The following CADPS2 variants were observed in gnomAD, a reference collection of about 807,000 sequenced individuals.
CADPS2 encodes the protein calcium-dependent secretion activator 2.
Under a neutral mutation model 172.5 loss-of-function variants are expected in CADPS2, and 93 were observed. That is an observed-to-expected ratio of 0.54 (90% CI 0.46 to 0.64). CADPS2 has a LOEUF of 0.64. CADPS2 is among the 30% of genes least tolerant of loss of function. The pLI, the probability that CADPS2 is intolerant of heterozygous loss-of-function variation, is 0.00. For missense variants in CADPS2, 1,420 were observed against 1,565.9 expected (o/e 0.91, Z 1.57); for synonymous variants, 546 against 555.2 (o/e 0.98, Z 0.23).
rs1456450758 is a variant in CADPS2 at position 122,872,524 on chromosome 7, T to C, written c.339+13475A>G. Among the ~76,000 whole-genome samples, 6 of 152,188 alleles carry C rather than the reference T, an allele frequency of 3.9e-5. 1 individual carries two copies. In the East Asian group the frequency reaches 1.2e-3, roughly 30 times the overall value. On this transcript the variant is annotated intron_variant, in intron 1 of 29. Coordinates refer to ENST00000449022, the MANE Select transcript of CADPS2 (RefSeq NM_017954.11). ...CTACTTACTACTGCTTGAGAATATA[T>C]GCAATCCTTCTGAGTCAGAAAAGAA...
chr7:122,582,295 G>C (rs2068940340), intron 6 of CADPS2, among the ~76,000 whole-genome samples: 1 of 152,026 alleles, frequency 6.6e-6, no homozygotes, highest in Non-Finnish European at 1.5e-5. Context: ...AGAAAACTCA[G>C]TAAAGCAGGT....
intron 11 of CADPS2, among the ~76,000 whole-genome samples, chr7:122,483,024 T>TA (rs1389037792): frequency 6.6e-6 from 1 of 152,208 alleles, no homozygotes; most frequent in Non-Finnish European, 1.5e-5. Context: ...GGTTATCAGT[T>TA]AGAGTATTAA....
chr7:122,639,038 T>C (rs1001259823), intron 3 of CADPS2, among the ~76,000 whole-genome samples: 4 of 152,198 alleles, frequency 2.6e-5, no homozygotes, highest in Non-Finnish European at 5.9e-5. Context: ...CAAAGGGTAC[T>C]AACTTCTGTG....
intron 1 of CADPS2, among the ~76,000 whole-genome samples, chr7:122,833,887 C>A (rs1034880813): frequency 4.6e-5 from 7 of 152,020 alleles, no homozygotes; most frequent in Non-Finnish European, 1.0e-4. Context: ...CAATAAAAGT[C>A]TTTGATTAAT....
Position 122,410,935 on chromosome 7 carries a change from G to T in CADPS2, c.2589+3133C>A, listed in dbSNP as rs2047228557. On this transcript the variant is annotated intron_variant, in intron 19 of 29. Coordinates refer to ENST00000449022, the MANE Select transcript of CADPS2 (RefSeq NM_017954.11). ...TTGTACAATTATCCTTACTTTATAG[G>T]TTAGCAAACAGAGATTAAATAACTT... is the stretch of plus-strand genomic sequence containing the variant. Among the ~76,000 whole-genome samples the T allele has an allele frequency of 2.0e-5, 3 of 152,112 alleles. No homozygotes were observed. The South Asian group carries it at 6.2e-4, about 31-fold the overall frequency.
rs563588474 is a variant in CADPS2, at chr7:122,432,970, A to AAT, written c.2476+5369_2476+5370dup. Among the ~76,000 whole-genome samples, 47 of 152,044 alleles carry AAT rather than the reference A, an allele frequency of 3.1e-4. No homozygotes were observed. In the South Asian group the frequency reaches 9.8e-3, roughly 32 times the overall value. On this transcript the variant is annotated intron_variant, in intron 17 of 29. Coordinates refer to ENST00000449022, the MANE Select transcript of CADPS2 (RefSeq NM_017954.11). ...CAAATGCAAATAACATGATATAACT[A>AAT]ATATATATAATATATTTTTTGGAGA...
At chr7:122,612,366 T>C (rs936850305) in intron 6 of CADPS2, among the ~76,000 whole-genome samples, 1 of 151,864 alleles carries the variant, frequency 6.6e-6, no homozygotes, top group Admixed American at 6.6e-5. Flanking sequence ...GCATATAAAA[T>C]CTATATACAA....
chr7:122,754,623 C>A (rs1407217646), intron 1 of CADPS2, among the ~76,000 whole-genome samples: 1 of 151,994 alleles, frequency 6.6e-6, no homozygotes, highest in Admixed American at 6.6e-5. Flanking sequence ...ATTACAGGTG[C>A]CCACCATCAC....
intron 8 of CADPS2, among the ~76,000 whole-genome samples, chr7:122,539,165 C>T (rs1586983514): frequency 6.6e-6 from 1 of 152,200 alleles, no homozygotes; most frequent in East Asian, 1.9e-4. Flanking sequence ...AAACCTAATG[C>T]AACAGTGTTG....
At chr7:122,608,298 C>A (rs1178427847) in intron 6 of CADPS2, among the ~76,000 whole-genome samples, 2 of 151,508 alleles carry the variant, frequency 1.3e-5, no homozygotes, top group Non-Finnish European at 2.9e-5. Context: ...GAGTATCTGA[C>A]TAATGAATTA....
chr7:122,518,180 C>T (rs1006909927), intron 8 of CADPS2, among the ~76,000 whole-genome samples: 2 of 151,868 alleles, frequency 1.3e-5, no homozygotes, highest in Non-Finnish European at 2.9e-5. Flanking sequence ...GTATATATAT[C>T]TATAGCCAAT....
At chr7:122,400,167 G>A (rs2045762075) in intron 20 of CADPS2, among the ~76,000 whole-genome samples, 2 of 151,716 alleles carry the variant, frequency 1.3e-5, no homozygotes, top group South Asian at 4.2e-4. Context: ...AGGGCGCAGT[G>A]GCTCACGCCT....
intron 8 of CADPS2, among the ~76,000 whole-genome samples, chr7:122,526,276 C>T (rs550840468): frequency 6.6e-6 from 1 of 152,214 alleles, no homozygotes; most frequent in African/African-American, 2.4e-5. Flanking sequence ...ACTGCAACCT[C>T]CACCTCCCGG....
chr7:122,599,998 C>T (rs1013888785), intron 6 of CADPS2, among the ~76,000 whole-genome samples: 5 of 151,976 alleles, frequency 3.3e-5, no homozygotes, highest in East Asian at 1.9e-4. Context: ...TTATATTCCT[C>T]GTAATATATC....
intron 5 of CADPS2, among the ~76,000 whole-genome samples, chr7:122,619,537 G>A (rs935433651): frequency 1.3e-5 from 2 of 152,026 alleles, no homozygotes; most frequent in Admixed American, 6.6e-5. Context: ...TGAAGCGGGA[G>A]AATCACTTGA....
intron 7 of CADPS2, among the ~76,000 whole-genome samples, chr7:122,568,364 AATG>A (rs1259311831): frequency 2.6e-5 from 4 of 152,222 alleles, no homozygotes; most frequent in African/African-American, 9.6e-5. Context: ...AAGATCAGTT[AATG>A]AGAAGGAAAT....
chr7:122,626,605 T>C (rs1487301266), intron 4 of CADPS2, among the ~76,000 whole-genome samples: 3 of 152,172 alleles, frequency 2.0e-5, no homozygotes, highest in Non-Finnish European at 2.9e-5. Context: ...TCACCTTCCA[T>C]AATTCAATTA....
At chr7:122,596,405 C>G (rs1034176200) in intron 6 of CADPS2, among the ~76,000 whole-genome samples, 1 of 151,988 alleles carries the variant, frequency 6.6e-6, no homozygotes, top group African/African-American at 2.4e-5. Flanking sequence ...CCTCATTTGT[C>G]CAGAATCTGA....
intron 2 of CADPS2, among the ~76,000 whole-genome samples, chr7:122,722,407 CAG>C (rs1483458055): frequency 6.6e-6 from 1 of 151,244 alleles, no homozygotes; most frequent in African/African-American, 2.4e-5. Context: ...AACAGACAAA[CAG>C]AGAGCCAAAT....
Sources: allele counts gnomAD v4.1 joint callset (sites outside exome capture counted in the v4.1 genomes callset), GRCh38; gene constraint gnomAD v4.1.1; transcripts MANE v1.5; gene names NCBI Gene and HGNC (gene_info 2026-07-23, HGNC 2026-07-21).